The following AUH variants were observed in gnomAD, a reference collection of about 807,000 sequenced individuals.
The protein encoded by AUH is AU RNA binding methylglutaconyl-CoA hydratase, also known as methylglutaconyl-CoA hydratase, mitochondrial.
In AUH, 29 loss-of-function variants were observed where a neutral mutation model predicts 42.3. That is an observed-to-expected ratio of 0.69 (90% CI 0.51 to 0.93). AUH has a LOEUF of 0.93. Ranked by LOEUF, AUH falls within the 40% of genes least tolerant of loss-of-function variation. The pLI, the probability that AUH is intolerant of heterozygous loss-of-function variation, is 0.00. For missense variants in AUH, 452 were observed against 438.1 expected (o/e 1.03, Z -0.28); for synonymous variants, 174 against 166.4 (o/e 1.05, Z -0.35).
chr9:91,257,399 G>A (rs1829462913), intron 6 of AUH, among the ~76,000 whole-genome samples: 1 of 152,096 alleles, frequency 6.6e-6, no homozygotes, highest in Non-Finnish European at 1.5e-5. Flanking sequence ...AGCCAGCAAT[G>A]GACACATGCC....
At chr9:91,278,453 G>A (rs1248372726) in intron 6 of AUH, among the ~76,000 whole-genome samples, 1 of 152,122 alleles carries the variant, frequency 6.6e-6, no homozygotes, top group Non-Finnish European at 1.5e-5. Flanking sequence ...AAACCAGTAA[G>A]TCTATTTCAA....
intron 1 of AUH, among the ~76,000 whole-genome samples, chr9:91,358,830 A>T (rs1407485914): frequency 1.3e-5 from 2 of 152,250 alleles, no homozygotes; most frequent in Non-Finnish European, 1.5e-5. Context: ...ATCTGAAATG[A>T]ATTATCTAAT....
intron 1 of AUH, 53 bp downstream of exon 1, chr9:91,361,575 T>C: frequency 1.3e-6 from 2 of 1,549,404 alleles, no homozygotes; most frequent in Admixed American, 1.9e-5. Flanking sequence ...ATGCCCGTCC[T>C]GAGAGCGAGC....
chr9:91,268,883 G>A (rs778275223), intron 6 of AUH, among the ~76,000 whole-genome samples: 3 of 152,132 alleles, frequency 2.0e-5, no homozygotes, highest in Non-Finnish European at 2.9e-5. Flanking sequence ...CAATATCTAA[G>A]CATGTATTTA....
chr9:91,312,164 A>G (rs768376756), intron 4 of AUH, among the ~76,000 whole-genome samples: 4 of 152,228 alleles, frequency 2.6e-5, no homozygotes, highest in African/African-American at 9.6e-5. Context: ...TTAATAAAAC[A>G]GAAGAGCTTT....
intron 6 of AUH, among the ~76,000 whole-genome samples, chr9:91,252,121 C>G (rs1368213639): frequency 1.3e-5 from 2 of 152,060 alleles, no homozygotes; most frequent in Non-Finnish European, 2.9e-5. Flanking sequence ...AGCCCGCCAC[C>G]ATGCCCAGCT....
intron 6 of AUH, among the ~76,000 whole-genome samples, chr9:91,235,575 C>A (rs1188219818): frequency 6.6e-6 from 1 of 152,118 alleles, no homozygotes; most frequent in Non-Finnish European, 1.5e-5. Flanking sequence ...AGGTAGCATT[C>A]AAAACCAAGG....
At position 91,265,277 on chromosome 9, in the gene AUH, A is replaced by ATT. The variant is rs57781691; in HGVS notation, c.655+30742_655+30743dup. On this transcript the variant is annotated intron_variant, in intron 6 of 9. Transcript: ENST00000375731. ...TAATTCCCCACATATTTGCTCTTGC[A>ATT]TTTTTTTTTTTTTTTGGTCTTTGCT... Among the ~76,000 whole-genome samples, 627 of 133,928 alleles carry ATT rather than the reference A, an allele frequency of 4.7e-3. 4 individuals are homozygous for ATT. Among genetic ancestry groups the ATT allele is most frequent in the Non-Finnish European group, 5.4e-3 (331 of 61,758 alleles). The allele number at this position is 133,928 out of a possible 152,430, so 87.9% of individuals were successfully genotyped here. A position where few individuals can be genotyped will look rare whatever the true frequency, so the allele number is the denominator to read the frequency against.
chr9:91,300,873 A>C (rs1827732140), intron 4 of AUH, among the ~76,000 whole-genome samples: 1 of 152,214 alleles, frequency 6.6e-6, no homozygotes, highest in Admixed American at 6.5e-5. Context: ...GTCGAGGCTC[A>C]AATGTCCCTT....
At chr9:91,242,277 G>A (rs1828562822) in intron 6 of AUH, among the ~76,000 whole-genome samples, 1 of 152,178 alleles carries the variant, frequency 6.6e-6, no homozygotes, top group Admixed American at 6.5e-5. Context: ...TCAGGTTAGA[G>A]GCTGCCTACC....
At chr9:91,270,597 C>T (rs1191165662) in intron 6 of AUH, among the ~76,000 whole-genome samples, 1 of 151,860 alleles carries the variant, frequency 6.6e-6, no homozygotes, top group Non-Finnish European at 1.5e-5. Flanking sequence ...AAGTAGACAC[C>T]CCTTGTAGAG....
intron 4 of AUH, among the ~76,000 whole-genome samples, chr9:91,304,714 A>C (rs1169837877): frequency 6.6e-6 from 1 of 152,252 alleles, no homozygotes; most frequent in Non-Finnish European, 1.5e-5. Context: ...ACAAATTAGC[A>C]TTGTAGAAAG....
intron 6 of AUH, among the ~76,000 whole-genome samples, chr9:91,251,458 T>C (rs1197563191): frequency 6.6e-6 from 1 of 152,230 alleles, no homozygotes; most frequent in Non-Finnish European, 1.5e-5. Flanking sequence ...GATGGGTCTT[T>C]ACTATTTACA....
intron 6 of AUH, among the ~76,000 whole-genome samples, chr9:91,240,956 C>A (rs535467293): frequency 1.3e-5 from 2 of 152,150 alleles, no homozygotes; most frequent in Non-Finnish European, 2.9e-5. Context: ...CTGCACAGCA[C>A]AAAGTGGGAA....
intron 5 of AUH, among the ~76,000 whole-genome samples, chr9:91,296,403 G>T (rs925507455): frequency 6.6e-6 from 1 of 152,082 alleles, no homozygotes; most frequent in Admixed American, 6.5e-5. Flanking sequence ...AATTATTCAG[G>T]ATCAGCAGAC....
chr9:91,352,238 G>GCA (rs1587921977), intron 3 of AUH, among the ~76,000 whole-genome samples: 1 of 152,090 alleles, frequency 6.6e-6, no homozygotes, highest in African/African-American at 2.4e-5. Flanking sequence ...TCACACCATT[G>GCA]CACTCCTGCA....
chr9:91,256,899 T>TA (rs1383957242), intron 6 of AUH, among the ~76,000 whole-genome samples: 11 of 152,054 alleles, frequency 7.2e-5, no homozygotes, highest in Non-Finnish European at 1.6e-4. Flanking sequence ...AGACATGAGT[T>TA]ACGATTATTC....
At chr9:91,259,721 A>C (rs931704163) in intron 6 of AUH, among the ~76,000 whole-genome samples, 6 of 152,114 alleles carry the variant, frequency 3.9e-5, no homozygotes, top group African/African-American at 1.4e-4. Context: ...TTTATTTTCC[A>C]ATTATCTGGA....
chr9:91,277,481 G>A (rs1825637017), intron 6 of AUH, among the ~76,000 whole-genome samples: 1 of 151,900 alleles, frequency 6.6e-6, no homozygotes, highest in Non-Finnish European at 1.5e-5. Flanking sequence ...GAAGTTTTTT[G>A]TAAGAGTTGT....
Sources: allele counts gnomAD v4.1 joint callset (sites outside exome capture counted in the v4.1 genomes callset), GRCh38; gene constraint gnomAD v4.1.1; transcripts MANE v1.5; gene names NCBI Gene and HGNC (gene_info 2026-07-23, HGNC 2026-07-21).